RBFOX1: variants seen among roughly 807,000 people sequenced by gnomAD.
RBFOX1 encodes RNA binding fox-1 homolog 1, also known as RNA binding protein fox-1 homolog 1.
Under a neutral mutation model 57.7 loss-of-function variants are expected in RBFOX1, and 8 were observed. The ratio of observed to expected loss-of-function variants is 0.14; its 90% CI spans 0.08 to 0.25. The LOEUF is 0.25. Ranked by LOEUF, RBFOX1 falls within the 10% of genes least tolerant of loss-of-function variation. RBFOX1 has a pLI of 1.00. For missense variants in RBFOX1, 611 were observed against 548.5 expected, an observed-to-expected ratio of 1.11 and a Z score of -1.14; for synonymous variants, 326 against 222.4, an observed-to-expected ratio of 1.47 and a Z score of -4.15.
At chr16:7,454,893 A>G (rs542942293) in intron 4 of RBFOX1, among the ~76,000 whole-genome samples, 5 of 152,316 alleles carry the variant, frequency 3.3e-5, no homozygotes, top group African/African-American at 1.2e-4. Context: ...TGATTATCAC[A>G]GTTTGCTCCT....
At chr16:6,639,662 G>A (rs2098471315) in intron 2 of RBFOX1, among the ~76,000 whole-genome samples, 1 of 151,974 alleles carries the variant, frequency 6.6e-6, no homozygotes, top group Non-Finnish European at 1.5e-5. Context: ...GGATCACGAC[G>A]TCAGGAGATT....
intron 1 of RBFOX1, among the ~76,000 whole-genome samples, chr16:6,265,966 T>C (rs1346219950): frequency 6.6e-6 from 1 of 152,208 alleles, no homozygotes; most frequent in East Asian, 1.9e-4. Flanking sequence ...GTAGGTTTAT[T>C]ATTCCTTACT....
At chr16:7,323,048 C>G (rs11859000) in intron 4 of RBFOX1, among the ~76,000 whole-genome samples, 26,687 of 152,038 alleles carry the variant, frequency 0.18, 3,767 homozygotes, top group African/African-American at 0.4. Flanking sequence ...ATTCCTTTAC[C>G]TCTAAGGACT....
At chr16:5,517,844 G>GTA (rs2043849186) in intron 2 of RBFOX1, among the ~76,000 whole-genome samples, 1 of 128,158 alleles carries the variant, frequency 7.8e-6, no homozygotes, top group Admixed American at 8.5e-5. Flanking sequence ...TTACATATAT[G>GTA]TATACACACA....
At chr16:5,525,392 G>T (rs896493019) in intron 2 of RBFOX1, among the ~76,000 whole-genome samples, 4 of 151,866 alleles carry the variant, frequency 2.6e-5, no homozygotes, top group Non-Finnish European at 5.9e-5. Context: ...TTATAGTGGG[G>T]GAAACAGATG....
intron 14 of RBFOX1, among the ~76,000 whole-genome samples, chr16:7,705,993 C>A (rs1016347755): frequency 1.3e-5 from 2 of 152,142 alleles, no homozygotes; most frequent in African/African-American, 2.4e-5. Context: ...AACATGGCGA[C>A]CGTAAGACCT....
chr16:5,657,204 A>G (rs2049459256), intron 3 of RBFOX1, among the ~76,000 whole-genome samples: 1 of 152,182 alleles, frequency 6.6e-6, no homozygotes, highest in African/African-American at 2.4e-5. Context: ...TTGATTGGAG[A>G]ACTCTGGTTT....
chr16:7,707,306 C>A (rs1038853945), intron 14 of RBFOX1, among the ~76,000 whole-genome samples: 1 of 152,106 alleles, frequency 6.6e-6, no homozygotes, highest in African/African-American at 2.4e-5. Flanking sequence ...TCTTCACCTT[C>A]TCAGACTCCA....
chr16:5,988,092 C>T (rs1366470069), intron 4 of RBFOX1, among the ~76,000 whole-genome samples: 1 of 152,170 alleles, frequency 6.6e-6, no homozygotes, highest in African/African-American at 2.4e-5. Context: ...GACATCATGG[C>T]AGAAAATTCA....
intron 4 of RBFOX1, among the ~76,000 whole-genome samples, chr16:7,345,946 TA>T (rs2096992595): frequency 6.6e-6 from 1 of 152,184 alleles, no homozygotes; most frequent in African/African-American, 2.4e-5. Flanking sequence ...TCATTTACAT[TA>T]GGTATATCTC....
At chr16:6,008,559 G>C (rs963041143) in intron 4 of RBFOX1, among the ~76,000 whole-genome samples, 1 of 152,128 alleles carries the variant, frequency 6.6e-6, no homozygotes, top group Non-Finnish European at 1.5e-5. Flanking sequence ...TGCGGTTAAG[G>C]TTGAGGAAGA....
At chr16:7,417,308 G>C (rs542372556) in intron 4 of RBFOX1, among the ~76,000 whole-genome samples, 5 of 149,880 alleles carry the variant, frequency 3.3e-5, no homozygotes, top group East Asian at 2.0e-4. Context: ...GGGAGGTGGA[G>C]GTTGCAGTGA....
intron 2 of RBFOX1, among the ~76,000 whole-genome samples, chr16:5,533,926 G>A (rs980655992): frequency 2.6e-5 from 4 of 152,144 alleles, no homozygotes; most frequent in Non-Finnish European, 2.9e-5. Context: ...GACTGGGGGT[G>A]ATTTAAGGAG....
chr16:6,263,027 G>T (rs12445131), intron 1 of RBFOX1, among the ~76,000 whole-genome samples: 1 of 152,046 alleles, frequency 6.6e-6, no homozygotes, highest in Non-Finnish European at 1.5e-5. Flanking sequence ...TGAGATTAAA[G>T]TCACCCACTC....
intron 2 of RBFOX1, among the ~76,000 whole-genome samples, chr16:6,607,137 G>A (rs2097944335): frequency 6.6e-6 from 1 of 152,166 alleles, no homozygotes; most frequent in Non-Finnish European, 1.5e-5. Context: ...TCAGCACTCT[G>A]CATTTTAGCA....
At chr16:5,875,551 C>T (rs12446182) in intron 4 of RBFOX1, among the ~76,000 whole-genome samples, 22,950 of 152,084 alleles carry the variant, frequency 0.15, 2,283 homozygotes, top group Non-Finnish European at 0.22. Context: ...TTATTTGGTG[C>T]GTAAGTAGTC....
chr16:6,571,334 G>C (rs1055160169), intron 2 of RBFOX1, among the ~76,000 whole-genome samples: 3 of 152,142 alleles, frequency 2.0e-5, no homozygotes, highest in African/African-American at 7.2e-5. Context: ...GGGTGACGGT[G>C]GGCATCCTTC....
In RBFOX1 at chr16:7,288,909, A is replaced by G. The variant is rs61507446; in HGVS notation, c.28-229238A>G. On this transcript the variant is annotated intron_variant, in intron 4 of 15. Coordinates refer to ENST00000550418, the MANE Select transcript of RBFOX1 (RefSeq NM_018723.4). ...TGTGCTTCTTGATAGGACATTGGCT[A>G]TGCAGGGGAACAACATTGGAATCGT... Among the ~76,000 whole-genome samples the G allele has an allele frequency of 1.9e-3, 287 of 152,336 alleles. 2 individuals are homozygous for G. The highest frequency in any genetic ancestry group is 6.3e-3 in the African/African-American group (264 of 41,592).
At chr16:5,460,255 A>C (rs34539379) in intron 1 of RBFOX1, among the ~76,000 whole-genome samples, 3,672 of 152,342 alleles carry the variant, frequency 0.024, 52 homozygotes, top group Non-Finnish European at 0.038. Context: ...TGACTTTTGC[A>C]ACCCTCAGAC....
Sources: gnomAD v4.1 joint callset for allele counts (sites outside exome capture counted in the v4.1 genomes callset) on GRCh38, gnomAD v4.1.1 for gene constraint, MANE v1.5 for transcripts, NCBI Gene and HGNC (gene_info 2026-07-23, HGNC 2026-07-21) for gene names.